USP3: variants seen among roughly 807,000 people sequenced by gnomAD.
USP3 encodes the protein ubiquitin carboxyl-terminal hydrolase 3.
A neutral mutation model predicts 72.3 loss-of-function variants in USP3; 20 were observed. That is an observed-to-expected ratio of 0.28 (90% CI 0.19 to 0.40). The LOEUF (loss-of-function observed/expected upper bound fraction) is 0.40. USP3 is among the 10% of genes least tolerant of loss of function. The pLI is 1.00. For synonymous variants in USP3, 222 were observed against 225.3 expected (o/e 0.99, Z 0.13); for missense variants, 479 against 633.9 (o/e 0.76, Z 2.62).
intron 3 of USP3, among the ~76,000 whole-genome samples, chr15:63,538,615 C>T (rs1222661399): frequency 4.0e-5 from 6 of 151,048 alleles, no homozygotes; most frequent in East Asian, 3.9e-4. Flanking sequence ...GGCCGATCTC[C>T]GCTCACTGCA....
At chr15:63,521,145 T>G (rs1352146824) in intron 1 of USP3, among the ~76,000 whole-genome samples, 1 of 149,960 alleles carries the variant, frequency 6.7e-6, no homozygotes, top group East Asian at 2.0e-4. Flanking sequence ...CTTTTGGACT[T>G]TTTTTTTTTT....
chr15:63,547,866 TAGAGAGAGAGAGAG>T lies in USP3; in HGVS notation c.285-5832_285-5819del, dbSNP rs112905081. ...GGAGGGAGAGAGAGAGAGAGAGGCA[TAGAGAGAGAGAGAG>T]AGAGAGAGAGAGAGAGGCATAGAGA... On this transcript the variant is annotated intron_variant, in intron 3 of 14. Transcript: ENST00000380324. Among the ~76,000 whole-genome samples, 2 of 20,902 alleles carry T rather than the reference TAGAGAGAGAGAGAG, an allele frequency of 9.6e-5. 1 individual carries two copies. 13.7% of individuals were successfully genotyped at this position (20,902 alleles called of 152,430 possible).
intron 11 of USP3, among the ~76,000 whole-genome samples, chr15:63,583,127 G>C (rs1167012105): frequency 3.3e-5 from 5 of 152,142 alleles, no homozygotes; most frequent in Non-Finnish European, 5.9e-5. Context: ...GGGGAAAAAG[G>C]CTTCTCTGCT....
At chr15:63,541,295 A>G (rs1427896787) in intron 3 of USP3, among the ~76,000 whole-genome samples, 1 of 152,220 alleles carries the variant, frequency 6.6e-6, no homozygotes, top group Non-Finnish European at 1.5e-5. Context: ...ATAAATGGCA[A>G]TTTTAATTAA....
chr15:63,583,873 G>T (rs1250790405), intron 11 of USP3, among the ~76,000 whole-genome samples: 1 of 152,054 alleles, frequency 6.6e-6, no homozygotes, highest in Non-Finnish European at 1.5e-5. Context: ...TTCATCTGTT[G>T]ACGACACTTG....
chr15:63,504,858 A>C (rs1402334149), intron 1 of USP3, 28 bp downstream of exon 1: 1 of 1,548,988 alleles, frequency 6.5e-7, no homozygotes, highest in Non-Finnish European at 8.7e-7. Flanking sequence ...CCGGCCCCGC[A>C]GCGCACCCGA....
At chr15:63,578,732 C>A (rs1254032430) in intron 11 of USP3, among the ~76,000 whole-genome samples, 1 of 151,936 alleles carries the variant, frequency 6.6e-6, no homozygotes, top group Non-Finnish European at 1.5e-5. Flanking sequence ...CCAGTAAGGC[C>A]AGGAATAAGC....
intron 1 of USP3, among the ~76,000 whole-genome samples, chr15:63,513,416 G>T (rs1384664168): frequency 6.6e-6 from 1 of 152,166 alleles, no homozygotes; most frequent in Non-Finnish European, 1.5e-5. Context: ...GTCTCACTCT[G>T]TCACCCAGTC....
intron 4 of USP3, among the ~76,000 whole-genome samples, chr15:63,555,025 T>C (rs1287086515): frequency 6.6e-6 from 1 of 152,210 alleles, no homozygotes; most frequent in East Asian, 1.9e-4. Flanking sequence ...GTGATGTCCT[T>C]CACCCTCTCA....
Position 63,553,677 on chromosome 15 carries a change from A to G in USP3, c.285-38A>G. The stretch of plus-strand genomic sequence containing the variant: ...GTGATTTCATTACTGTGGTTTCCTC[A>G]AGCTCTTTACACACATTGATTAATA... On this transcript the variant is annotated intron_variant, in intron 3 of 14. Coordinates refer to ENST00000380324, the MANE Select transcript of USP3 (RefSeq NM_006537.4). This position sits in a 1 kb window ranked among gnomAD's most constrained non-coding sequence, Gnocchi z 4.2. The G allele has an allele frequency of 6.3e-7, 1 of 1,584,708 alleles. No individual in the cohort carries two copies. Among genetic ancestry groups the G allele is most frequent in the South Asian group, 1.1e-5 (1 of 87,548 alleles).
intron 1 of USP3, among the ~76,000 whole-genome samples, chr15:63,524,908 G>A (rs1245769257): frequency 6.6e-6 from 1 of 152,168 alleles, no homozygotes; most frequent in Non-Finnish European, 1.5e-5. Context: ...CGGAGAATGA[G>A]GACATAGACC....
chr15:63,554,547 A>G (rs1452130498), intron 4 of USP3, among the ~76,000 whole-genome samples: 1 of 152,242 alleles, frequency 6.6e-6, no homozygotes, highest in Non-Finnish European at 1.5e-5. Flanking sequence ...CCAAATCATT[A>G]AGCGCCATCT....
chr15:63,509,614 G>A (rs184935860), intron 1 of USP3, among the ~76,000 whole-genome samples: 15 of 152,210 alleles, frequency 9.9e-5, no homozygotes, highest in Middle Eastern at 6.8e-3. Flanking sequence ...AGTAGTATTT[G>A]AGTTTTATAT....
intron 11 of USP3, among the ~76,000 whole-genome samples, chr15:63,585,039 G>T (rs2067032576): frequency 6.6e-6 from 1 of 152,084 alleles, no homozygotes; most frequent in Non-Finnish European, 1.5e-5. Context: ...TGTCATTCTT[G>T]TCAAAAATCA....
chr15:63,505,052 G>T (rs1227230868), intron 1 of USP3, among the ~76,000 whole-genome samples: 1 of 150,854 alleles, frequency 6.6e-6, no homozygotes, highest in East Asian at 1.9e-4. Flanking sequence ...CGAAGGAGAG[G>T]GCCGCGAGGG....
At chr15:63,547,922 C>T (rs1337514675) in intron 3 of USP3, among the ~76,000 whole-genome samples, 5 of 121,018 alleles carry the variant, frequency 4.1e-5, no homozygotes, top group Admixed American at 8.0e-5. Flanking sequence ...TATAGTGGCT[C>T]ATGCCTGTAA....
intron 1 of USP3, among the ~76,000 whole-genome samples, chr15:63,508,516 G>A (rs2065742674): frequency 7.9e-5 from 12 of 152,150 alleles, no homozygotes. Flanking sequence ...CGTAAAGGCT[G>A]ATTTATGTCT....
chr15:63,590,623 C>G (rs753282871), intron 14 of USP3, 38 bp from the exon 15 acceptor site: 6 of 1,484,876 alleles, frequency 4.0e-6, no homozygotes, highest in African/African-American at 1.4e-5. Flanking sequence ...TTTGTGATTT[C>G]TGAGGTTCTT....
intron 11 of USP3, among the ~76,000 whole-genome samples, chr15:63,578,555 T>A (rs1595767754): frequency 7.1e-6 from 1 of 141,032 alleles, no homozygotes; most frequent in Non-Finnish European, 1.5e-5. Flanking sequence ...GAGCTTGCAG[T>A]GAGCCGAGAC....
Sources: allele counts gnomAD v4.1 joint callset (sites outside exome capture counted in the v4.1 genomes callset), GRCh38; gene constraint gnomAD v4.1.1; non-coding constraint Gnocchi (gnomAD v3.1); transcripts MANE v1.5; gene names NCBI Gene and HGNC (gene_info 2026-07-23, HGNC 2026-07-21).